The following SCFD2 variants were observed in gnomAD, a reference collection of about 807,000 sequenced individuals.
SCFD2 encodes sec1 family domain-containing protein 2.
A neutral mutation model predicts 58.9 loss-of-function variants in SCFD2; 54 were observed. The ratio of observed to expected loss-of-function variants is 0.92; its 90% CI spans 0.74 to 1.15. The LOEUF is 1.15. Ranked by LOEUF, SCFD2 falls within the 50% of genes most tolerant of loss-of-function variation. The probability of loss-of-function intolerance (pLI) is 0.00; values close to 1 mark genes in which losing one functional copy is unlikely to be tolerated. For synonymous variants in SCFD2, 321 were observed against 335.9 expected (o/e 0.96, Z 0.49); for missense variants, 805 against 836.6 (o/e 0.96, Z 0.47).
At chr4:52,888,825 A>G (rs1300180245) in intron 7 of SCFD2, among the ~76,000 whole-genome samples, 1 of 152,172 alleles carries the variant, frequency 6.6e-6, no homozygotes, top group African/African-American at 2.4e-5. Flanking sequence ...TGTGCCTTCA[A>G]TATCTTTTAT....
At chr4:53,238,174 G>T (rs557997053) in intron 4 of SCFD2, among the ~76,000 whole-genome samples, 1 of 139,480 alleles carries the variant, frequency 7.2e-6, no homozygotes, top group South Asian at 2.3e-4. Flanking sequence ...CTGGCCGGGC[G>T]GGGGGCTGAC....
At chr4:52,972,226 C>G (rs534606144) in intron 5 of SCFD2, among the ~76,000 whole-genome samples, 1 of 152,086 alleles carries the variant, frequency 6.6e-6, no homozygotes, top group African/African-American at 2.4e-5. Context: ...ACTGGCAAAT[C>G]GGATAAAGAG....
chr4:53,236,526 T>G (rs1729616447), intron 4 of SCFD2, among the ~76,000 whole-genome samples: 1 of 150,122 alleles, frequency 6.7e-6, no homozygotes, highest in African/African-American at 2.4e-5. Context: ...AAAAGCTATT[T>G]TTCTTAGTTG....
chr4:53,089,759 T>C (rs1724418073), intron 5 of SCFD2, among the ~76,000 whole-genome samples: 1 of 152,192 alleles, frequency 6.6e-6, no homozygotes, highest in Non-Finnish European at 1.5e-5. Context: ...AGGCCATCTC[T>C]AGATGTCCCG....
intron 4 of SCFD2, among the ~76,000 whole-genome samples, chr4:53,215,810 G>C (rs563866666): frequency 6.6e-6 from 1 of 152,186 alleles, no homozygotes; most frequent in South Asian, 2.1e-4. Flanking sequence ...ATTATTTTGA[G>C]ATACGTCCCA....
chr4:53,257,736 G>A (rs187036009), intron 4 of SCFD2, among the ~76,000 whole-genome samples: 402 of 151,800 alleles, frequency 2.6e-3, no homozygotes, highest in African/African-American at 9.3e-3. Context: ...TCTGCCTTTG[G>A]AGATTATATT....
chr4:52,917,429 C>T (rs544191080), intron 6 of SCFD2, among the ~76,000 whole-genome samples: 1 of 152,090 alleles, frequency 6.6e-6, no homozygotes, highest in Non-Finnish European at 1.5e-5. Flanking sequence ...TTCTCTCTCA[C>T]TAAGAATTAA....
rs1225282823 is a variant in SCFD2, at chr4:52,987,254, G to A, written c.1562-66384C>T. 2.6e-5 allele frequency among the ~76,000 whole-genome samples: 4 copies of A among 152,182 alleles called. No individual in the cohort carries two copies. In the South Asian group the frequency reaches 8.3e-4, roughly 32 times the overall value. Reference sequence around the variant, plus strand: ...CGTGGTCACGATCTCCTGTCCTCGTGATCCGCCCGCCTCGGCCTCCCAAAG... The same window carrying A: ...CGTGGTCACGATCTCCTGTCCTCGTAATCCGCCCGCCTCGGCCTCCCAAAG... On this transcript the variant is annotated intron_variant, in intron 5 of 8. Transcript: ENST00000401642.
chr4:53,256,000 G>A (rs1237088297), intron 4 of SCFD2, among the ~76,000 whole-genome samples: 41 of 149,744 alleles, frequency 2.7e-4, no homozygotes, highest in East Asian at 1.0e-3. Flanking sequence ...CAGACGGGGC[G>A]GCTGGCCGGG....
chr4:52,887,127 A>G (rs1156928896), intron 7 of SCFD2, among the ~76,000 whole-genome samples: 1 of 152,226 alleles, frequency 6.6e-6, no homozygotes, highest in East Asian at 1.9e-4. Context: ...TAGGTGCTCA[A>G]TAAATGTTAG....
chr4:53,330,857 C>A (rs890332604), intron 2 of SCFD2, among the ~76,000 whole-genome samples: 3 of 151,970 alleles, frequency 2.0e-5, no homozygotes, highest in African/African-American at 7.3e-5. Context: ...ACCCATCTCA[C>A]GTGCAGAGAC....
At chr4:53,278,917 A>T (rs1731424934) in intron 3 of SCFD2, among the ~76,000 whole-genome samples, 1 of 151,908 alleles carries the variant, frequency 6.6e-6, no homozygotes, top group Admixed American at 6.6e-5. Flanking sequence ...TGACATTTTT[A>T]AAATTTTTAA....
intron 2 of SCFD2, among the ~76,000 whole-genome samples, chr4:53,347,103 T>C (rs1236273869): frequency 6.6e-6 from 1 of 152,240 alleles, no homozygotes; most frequent in Non-Finnish European, 1.5e-5. Flanking sequence ...GTAGCTAATG[T>C]AATCAGTGTC....
intron 4 of SCFD2, among the ~76,000 whole-genome samples, chr4:53,218,893 T>G (rs1728952086): frequency 1.3e-5 from 2 of 152,236 alleles, no homozygotes; most frequent in Admixed American, 6.5e-5. Flanking sequence ...CTGAGTTTGC[T>G]GGATGTCCAC....
chr4:53,236,985 G>A (rs1362798940), intron 4 of SCFD2, among the ~76,000 whole-genome samples: 3 of 150,812 alleles, frequency 2.0e-5, no homozygotes, highest in East Asian at 1.9e-4. Flanking sequence ...AGGACCCTGC[G>A]GCCTTCCGCA....
chr4:53,256,012 G>A lies in SCFD2; in HGVS notation c.1311+17814C>T, dbSNP rs574690597. 7.2e-3 allele frequency among the ~76,000 whole-genome samples: 1,086 copies of A among 150,176 alleles called. 9 individuals are homozygous for A. Among genetic ancestry groups the A allele is most frequent in the African/African-American group, 0.025 (1,024 of 40,940 alleles). ...TCCCAGACGGGGCGGCTGGCCGGGC[G>A]GGGGTCTGACCCCCCACCTCCCTTC... On this transcript the variant is annotated intron_variant, in intron 4 of 8. Transcript: ENST00000401642.
intron 4 of SCFD2, among the ~76,000 whole-genome samples, chr4:53,271,935 C>A (rs557516388): frequency 3.3e-5 from 5 of 152,226 alleles, no homozygotes; most frequent in East Asian, 1.9e-4. Flanking sequence ...AATGGGAGAA[C>A]ATTTTTGCAA....
chr4:53,277,837 G>T (rs1460810179), intron 3 of SCFD2, among the ~76,000 whole-genome samples: 1 of 151,896 alleles, frequency 6.6e-6, no homozygotes, highest in African/African-American at 2.4e-5. Context: ...CAGATCACGA[G>T]GTCAGGAGAT....
At chr4:53,286,387 A>G (rs1034402668) in intron 3 of SCFD2, among the ~76,000 whole-genome samples, 2 of 152,024 alleles carry the variant, frequency 1.3e-5, no homozygotes, top group African/African-American at 4.8e-5. Context: ...CAGAGTAGGT[A>G]TATGTTCTAA....
Sources: gnomAD v4.1 joint callset for allele counts (sites outside exome capture counted in the v4.1 genomes callset) on GRCh38, gnomAD v4.1.1 for gene constraint, MANE v1.5 for transcripts, NCBI Gene and HGNC (gene_info 2026-07-23, HGNC 2026-07-21) for gene names.